CC2D2A: variants seen among roughly 807,000 people sequenced by gnomAD.
The protein encoded by CC2D2A is coiled-coil and C2 domain-containing protein 2A.
A neutral mutation model predicts 212.9 loss-of-function variants in CC2D2A; 155 were observed. That is an observed-to-expected ratio of 0.73 (90% CI 0.64 to 0.83). CC2D2A has a LOEUF of 0.83. Among genes scored for constraint, CC2D2A ranks in the 40% least tolerant of loss-of-function variants. The probability of loss-of-function intolerance (pLI) is 0.00; values close to 1 mark genes in which losing one functional copy is unlikely to be tolerated. For synonymous variants in CC2D2A, 667 were observed against 686.5 expected (o/e 0.97, Z 0.44); for missense variants, 1,856 against 1,956.2 (o/e 0.95, Z 0.97).
Position 15,506,092 on chromosome 4 carries a change from A to G in CC2D2A, c.438+3169A>G, listed in dbSNP as rs186888890. ...AGAATTTCTAGATGGATATGTGCACATATGATGATAGGCACTCAATATTTT... is the reference window on the plus strand; with the variant it reads ...AGAATTTCTAGATGGATATGTGCACGTATGATGATAGGCACTCAATATTTT... On this transcript the variant is annotated intron_variant, in intron 6 of 36. Coordinates refer to ENST00000424120, the MANE Select transcript of CC2D2A (RefSeq NM_001378615.1). Among the ~76,000 whole-genome samples, 325 of 152,356 alleles carry G rather than the reference A, an allele frequency of 2.1e-3. 3 individuals carry two copies. The highest frequency in any genetic ancestry group is 3.0e-3 in the Non-Finnish European group (206 of 68,030).
intron 17 of CC2D2A, among the ~76,000 whole-genome samples, chr4:15,547,097 G>T (rs1189348602): frequency 2.0e-5 from 3 of 152,180 alleles, no homozygotes; most frequent in Middle Eastern, 3.4e-3. Flanking sequence ...CTGGTTACAT[G>T]CTATCATTTT....
intron 30 of CC2D2A, among the ~76,000 whole-genome samples, chr4:15,581,568 A>G (rs1720666119): frequency 6.6e-6 from 1 of 152,214 alleles, no homozygotes; most frequent in Non-Finnish European, 1.5e-5. Flanking sequence ...TAGAGACTCA[A>G]ATGCAGAGTT....
At chr4:15,549,630 C>T (rs1352158036) in intron 17 of CC2D2A, among the ~76,000 whole-genome samples, 1 of 152,200 alleles carries the variant, frequency 6.6e-6, no homozygotes, top group Non-Finnish European at 1.5e-5. Flanking sequence ...TGGTGAAACG[C>T]TGTCTCTACT....
At chr4:15,567,863 C>A in intron 26 of CC2D2A, 77 bp downstream of exon 26, 1 of 1,064,044 alleles carries the variant, frequency 9.4e-7, no homozygotes, top group Non-Finnish European at 1.3e-6. Flanking sequence ...TGAGAAACGG[C>A]TAAGGTGAAG....
At chr4:15,581,525 T>C (rs1720664379) in intron 30 of CC2D2A, among the ~76,000 whole-genome samples, 1 of 152,164 alleles carries the variant, frequency 6.6e-6, no homozygotes, top group Admixed American at 6.5e-5. Context: ...ACAGGGATAA[T>C]GCATGGGGCT....
intron 27 of CC2D2A, 124 bp downstream of exon 27, chr4:15,569,513 C>T (rs1047288687): frequency 1.6e-6 from 1 of 624,256 alleles, no homozygotes; most frequent in Non-Finnish European, 2.9e-6. Context: ...GGATATCACA[C>T]AAGAAAGAAT....
At chr4:15,552,740 C>T (rs1345054384) in intron 18 of CC2D2A, among the ~76,000 whole-genome samples, 1 of 152,112 alleles carries the variant, frequency 6.6e-6, no homozygotes, top group Non-Finnish European at 1.5e-5. Context: ...ATCTTCAGTG[C>T]CTGCAATAGT....
intron 36 of CC2D2A, among the ~76,000 whole-genome samples, chr4:15,600,710 T>A (rs779299771): frequency 6.6e-6 from 1 of 151,926 alleles, no homozygotes; most frequent in Non-Finnish European, 1.5e-5. Context: ...AAGATCAGCC[T>A]TGGCAGCATG....
chr4:15,566,736 C>G (rs1473010712), intron 24 of CC2D2A, among the ~76,000 whole-genome samples: 4 of 152,126 alleles, frequency 2.6e-5, no homozygotes, highest in Non-Finnish European at 5.9e-5. Flanking sequence ...CTTTGGGAAC[C>G]CAAGACAGGA....
chr4:15,523,816 T>C (rs1454583084), intron 11 of CC2D2A, among the ~76,000 whole-genome samples: 2 of 152,226 alleles, frequency 1.3e-5, no homozygotes, highest in Non-Finnish European at 2.9e-5. Context: ...CATAAGGGGA[T>C]GTGTCCTTTG....
In CC2D2A at chr4:15,589,563, C is replaced by G. The variant is rs758652895; in HGVS notation, c.4198C>G (p.Leu1400Val). 1 of 1,612,180 alleles carries G rather than the reference C, an allele frequency of 6.2e-7. No individual in the cohort carries two copies. The highest frequency in any genetic ancestry group is 8.5e-7 in the Non-Finnish European group (1 of 1,178,950). ...CTTTCAGGGTCCAACTGCCTATGTG[C>G]TAACTTGGGAGCAAGGTCGTTATTT... is the stretch of plus-strand genomic sequence containing the variant. ...AIPEGPTAYV[L>V]TWEQGRYLIW... is the part of the protein sequence containing the mutation. The change falls in exon 33 of 37, where the codon CTA becomes GTA. Residue 1400 changes from leucine (L) to valine (V), a missense_variant. Physicochemically the swap from Leu to Val is conservative, Grantham distance 32. Coordinates refer to ENST00000424120, the MANE Select transcript of CC2D2A (RefSeq NM_001378615.1).
intron 17 of CC2D2A, chr4:15,543,948 T>C (rs1718586532): frequency 6.6e-6 from 1 of 152,238 alleles, no homozygotes; most frequent in South Asian, 2.1e-4. Context: ...AAGTCTATTA[T>C]ACTATATACC....
At chr4:15,480,355 ACTTTAGCTG>A (rs1444738444) in intron 3 of CC2D2A, among the ~76,000 whole-genome samples, 1 of 152,156 alleles carries the variant, frequency 6.6e-6, no homozygotes, top group African/African-American at 2.4e-5. Flanking sequence ...ACCCAGTAAC[ACTTTAGCTG>A]CTGTTTGCAA....
At chr4:15,490,568 A>T (rs1239245449) in intron 4 of CC2D2A, among the ~76,000 whole-genome samples, 1 of 152,170 alleles carries the variant, frequency 6.6e-6, no homozygotes, top group Non-Finnish European at 1.5e-5. Flanking sequence ...CATGTGGATT[A>T]TATTCAGTTT....
intron 11 of CC2D2A, among the ~76,000 whole-genome samples, chr4:15,518,457 C>T (rs144144251): frequency 2.2e-3 from 328 of 152,288 alleles, no homozygotes; most frequent in African/African-American, 7.6e-3. Context: ...TCCAGGTACA[C>T]AGTGCAAGCT....
At chr4:15,542,401 C>A (rs1718501706) in intron 17 of CC2D2A, among the ~76,000 whole-genome samples, 1 of 152,122 alleles carries the variant, frequency 6.6e-6, no homozygotes, top group African/African-American at 2.4e-5. Flanking sequence ...AGGCAGAAAT[C>A]ACAGATCCTC....
chr4:15,479,140 C>A, intron 3 of CC2D2A: 1 of 935,060 alleles, frequency 1.1e-6, no homozygotes, highest in Non-Finnish European at 1.7e-6. Flanking sequence ...CTATGATGGG[C>A]AGTAGATGGC....
At chr4:15,546,382 C>A (rs1382954148) in intron 17 of CC2D2A, among the ~76,000 whole-genome samples, 2 of 152,262 alleles carry the variant, frequency 1.3e-5, no homozygotes, top group East Asian at 3.9e-4. Context: ...TTGCTGGGTG[C>A]CTTTTAAATT....
chr4:15,569,645 C>T (rs942267014), intron 27 of CC2D2A, among the ~76,000 whole-genome samples: 1 of 152,056 alleles, frequency 6.6e-6, no homozygotes, highest in Non-Finnish European at 1.5e-5. Flanking sequence ...ATGCATTTAC[C>T]CTAGGTACAA....
Sources: allele counts gnomAD v4.1 joint callset (sites outside exome capture counted in the v4.1 genomes callset), GRCh38; gene constraint gnomAD v4.1.1; transcripts MANE v1.5; gene names NCBI Gene and HGNC (gene_info 2026-07-23, HGNC 2026-07-21).